PDSS2: variants seen among roughly 807,000 people sequenced by gnomAD.
The protein encoded by PDSS2 is decaprenyl diphosphate synthase subunit 2.
In PDSS2, 31 loss-of-function variants were observed where a neutral mutation model predicts 44.5. The ratio of observed to expected loss-of-function variants is 0.70; its 90% confidence interval spans 0.52 to 0.94. The LOEUF is 0.94. PDSS2 is among the 40% of genes least tolerant of loss of function. The pLI is 0.00. For missense variants in PDSS2, 452 were observed against 482.2 expected (o/e 0.94, Z 0.59); for synonymous variants, 157 against 180.3 (o/e 0.87, Z 1.03).
At chr6:107,429,901 A>AAAAAAAAATAT (rs1166637352) in intron 1 of PDSS2, among the ~76,000 whole-genome samples, 20 of 31,824 alleles carry the variant, frequency 6.3e-4, no homozygotes, top group East Asian at 4.1e-3. Context: ...AAAAAAAAAA[A>AAAAAAAAATAT]ATATATATAT....
intron 3 of PDSS2, among the ~76,000 whole-genome samples, chr6:107,268,811 G>A (rs1165176392): frequency 6.6e-6 from 1 of 152,150 alleles, no homozygotes; most frequent in Non-Finnish European, 1.5e-5. Flanking sequence ...GATAAGTTCA[G>A]AGTAAATTTG....
intron 2 of PDSS2, among the ~76,000 whole-genome samples, chr6:107,284,534 G>A (rs1048275564): frequency 3.3e-5 from 5 of 151,958 alleles, no homozygotes; most frequent in South Asian, 2.1e-4. Flanking sequence ...GGTGGCAGGC[G>A]CCTGTAATCC....
At chr6:107,215,761 C>G (rs906283745) in intron 4 of PDSS2, among the ~76,000 whole-genome samples, 2 of 152,054 alleles carry the variant, frequency 1.3e-5, no homozygotes, top group African/African-American at 4.8e-5. Context: ...TTAACTATAG[C>G]TTTCATACAT....
intron 1 of PDSS2, among the ~76,000 whole-genome samples, chr6:107,396,101 TG>T (rs560405809): frequency 1.2e-3 from 186 of 152,232 alleles, no homozygotes; most frequent in Non-Finnish European, 2.3e-3. Context: ...GTATGTTCTC[TG>T]GGAATTGTTC....
intron 1 of PDSS2, among the ~76,000 whole-genome samples, chr6:107,343,559 A>C (rs961932401): frequency 2.0e-5 from 3 of 152,228 alleles, no homozygotes; most frequent in African/African-American, 7.2e-5. Flanking sequence ...CTGTCCACAC[A>C]CTAGCACAAA....
chr6:107,257,637 C>T (rs551137121), intron 3 of PDSS2, among the ~76,000 whole-genome samples: 44 of 150,664 alleles, frequency 2.9e-4, no homozygotes, highest in African/African-American at 1.0e-3. Flanking sequence ...TTTTTTTCTT[C>T]CCCTGAGACA....
intron 2 of PDSS2, 137 bp downstream of exon 2, chr6:107,334,061 A>C: frequency 2.4e-6 from 2 of 817,166 alleles, no homozygotes; most frequent in Admixed American, 2.0e-5. Context: ...ATGAACAATA[A>C]AAATCCATTT....
intron 1 of PDSS2, among the ~76,000 whole-genome samples, chr6:107,436,681 T>A (rs1267613946): frequency 6.6e-6 from 1 of 152,152 alleles, no homozygotes; most frequent in African/African-American, 2.4e-5. Flanking sequence ...ATGACTATAG[T>A]TAACAATAAT....
chr6:107,349,461 C>T (rs1778364760), intron 1 of PDSS2, among the ~76,000 whole-genome samples: 1 of 149,670 alleles, frequency 6.7e-6, no homozygotes, highest in African/African-American at 2.5e-5. Context: ...TAAGAACATT[C>T]CCCTAGGCTG....
At chr6:107,342,870 C>T (rs140628413) in intron 1 of PDSS2, among the ~76,000 whole-genome samples, 9 of 152,332 alleles carry the variant, frequency 5.9e-5, no homozygotes, top group African/African-American at 2.2e-4. Flanking sequence ...TGAGTAAGCT[C>T]AAAATACCCC....
At chr6:107,249,124 A>G (rs189154546) in intron 3 of PDSS2, among the ~76,000 whole-genome samples, 25 of 152,318 alleles carry the variant, frequency 1.6e-4, no homozygotes, top group Non-Finnish European at 2.9e-4. Flanking sequence ...GCATCAAACA[A>G]ATAATGGTAC....
chr6:107,364,561 C>G (rs1045142897), intron 1 of PDSS2, among the ~76,000 whole-genome samples: 1 of 152,260 alleles, frequency 6.6e-6, no homozygotes, highest in Non-Finnish European at 1.5e-5. Flanking sequence ...CAAGCCCACG[C>G]CCACCCGGAA....
At chr6:107,165,888 G>T (rs1260879496) in intron 7 of PDSS2, among the ~76,000 whole-genome samples, 2 of 152,126 alleles carry the variant, frequency 1.3e-5, no homozygotes, top group Non-Finnish European at 2.9e-5. Context: ...CACATCCCTT[G>T]TAAGTTGGAT....
chr6:107,304,789 G>A (rs533811093), intron 2 of PDSS2, among the ~76,000 whole-genome samples: 7 of 152,208 alleles, frequency 4.6e-5, no homozygotes, highest in East Asian at 1.9e-4. Flanking sequence ...GGTAAGTATC[G>A]CTCAAAAGTG....
At chr6:107,350,698 T>C (rs1384892961) in intron 1 of PDSS2, among the ~76,000 whole-genome samples, 1 of 152,094 alleles carries the variant, frequency 6.6e-6, no homozygotes, top group Non-Finnish European at 1.5e-5. Flanking sequence ...TCATCCCAAC[T>C]ACTAGGGAGG....
intron 1 of PDSS2, among the ~76,000 whole-genome samples, chr6:107,386,904 G>T (rs753305942): frequency 1.3e-5 from 2 of 152,136 alleles, no homozygotes; most frequent in Non-Finnish European, 2.9e-5. Context: ...AACCACAGAA[G>T]TCCAAAGCTA....
chr6:107,394,774 TG>T (rs1349225374), intron 1 of PDSS2, among the ~76,000 whole-genome samples: 1 of 152,178 alleles, frequency 6.6e-6, no homozygotes, highest in African/African-American at 2.4e-5. Flanking sequence ...CTACCTCATA[TG>T]TTATATGTCC....
intron 2 of PDSS2, among the ~76,000 whole-genome samples, chr6:107,292,922 T>C (rs1305917099): frequency 6.6e-6 from 1 of 151,860 alleles, no homozygotes; most frequent in African/African-American, 2.4e-5. Flanking sequence ...ACAAAAGGGG[T>C]TAAAAATACT....
chr6:107,156,863 A>G (rs895703252), intron 7 of PDSS2, among the ~76,000 whole-genome samples: 2 of 152,282 alleles, frequency 1.3e-5, no homozygotes, highest in Non-Finnish European at 2.9e-5. Flanking sequence ...AATGAATCCC[A>G]GTCTTTCTAT....
Sources: gnomAD v4.1 joint callset for allele counts (sites outside exome capture counted in the v4.1 genomes callset) on GRCh38, gnomAD v4.1.1 for gene constraint, MANE v1.5 for transcripts, NCBI Gene and HGNC (gene_info 2026-07-23, HGNC 2026-07-21) for gene names.